The following SSH2 variants were observed in gnomAD, a reference collection of about 807,000 sequenced individuals.
SSH2 encodes slingshot protein phosphatase 2, also known as protein phosphatase Slingshot homolog 2.
In SSH2, 37 loss-of-function variants were observed where a neutral mutation model predicts 135.2. The observed-to-expected ratio is 0.27, with a 90% CI of 0.21 to 0.36. SSH2 has a LOEUF of 0.36. Among genes scored for constraint, SSH2 ranks in the 10% least tolerant of loss-of-function variants. The pLI is 1.00. For missense variants in SSH2, 1,408 were observed against 1,765.3 expected (o/e 0.80, Z 3.63); for synonymous variants, 628 against 646.2 (o/e 0.97, Z 0.43).
chr17:29,766,506 T>A (rs2041451772), intron 3 of SSH2, among the ~76,000 whole-genome samples: 1 of 151,826 alleles, frequency 6.6e-6, no homozygotes, highest in South Asian at 2.1e-4. Context: ...ATATGCAAAT[T>A]TCCCCTATGT....
At chr17:29,772,739 A>C (rs2041614105) in intron 3 of SSH2, among the ~76,000 whole-genome samples, 1 of 151,968 alleles carries the variant, frequency 6.6e-6, no homozygotes, top group African/African-American at 2.4e-5. Flanking sequence ...TGGAGCTAGG[A>C]TACTCTTCTC....
At chr17:29,710,094 C>G (rs1173362960) in intron 3 of SSH2, among the ~76,000 whole-genome samples, 2 of 152,048 alleles carry the variant, frequency 1.3e-5, no homozygotes, top group African/African-American at 4.8e-5. Flanking sequence ...GGAATGTGGC[C>G]AGGGTGATCA....
chr17:29,751,416 CA>C (rs140508892), intron 3 of SSH2, among the ~76,000 whole-genome samples: 1,752 of 143,880 alleles, frequency 0.012, 31 homozygotes, highest in African/African-American at 0.041. Context: ...ACTCCTGTCT[CA>C]AAAAAAAAGA....
chr17:29,770,247 T>C (rs1241156891), intron 3 of SSH2, among the ~76,000 whole-genome samples: 1 of 151,748 alleles, frequency 6.6e-6, no homozygotes, highest in Non-Finnish European at 1.5e-5. Flanking sequence ...TAGCTGGAAT[T>C]ACAGGCTCGA....
intron 1 of SSH2, among the ~76,000 whole-genome samples, chr17:29,897,231 C>CT (rs2066462718): frequency 6.6e-6 from 1 of 152,030 alleles, no homozygotes; most frequent in South Asian, 2.1e-4. Flanking sequence ...AACTAACGAG[C>CT]AAAATAACCA....
At chr17:29,761,433 G>A (rs1463867901) in intron 3 of SSH2, 10 of 1,006,560 alleles carry the variant, frequency 9.9e-6, no homozygotes, top group Non-Finnish European at 1.2e-5. Context: ...AGTCCGGACT[G>A]ACGGGCGTCG....
At chr17:29,795,421 G>A (rs147813575) in intron 2 of SSH2, among the ~76,000 whole-genome samples, 2,852 of 152,224 alleles carry the variant, frequency 0.019, 42 homozygotes, top group Middle Eastern at 0.058. Context: ...GCTTCCAGAA[G>A]GAGTACAGGT....
chr17:29,779,848 A>T (rs1021107635), intron 3 of SSH2, among the ~76,000 whole-genome samples: 5 of 142,374 alleles, frequency 3.5e-5, no homozygotes, highest in African/African-American at 1.3e-4. Flanking sequence ...AAAGATGAAC[A>T]GCTTCAATGT....
At chr17:29,917,880 A>C (rs573402062) in intron 1 of SSH2, among the ~76,000 whole-genome samples, 26 of 152,068 alleles carry the variant, frequency 1.7e-4, no homozygotes, top group African/African-American at 5.3e-4. Context: ...AATAAATTTT[A>C]AAAATAGACT....
intron 14 of SSH2, among the ~76,000 whole-genome samples, chr17:29,637,799 A>T (rs952398399): frequency 5.3e-5 from 8 of 151,626 alleles, no homozygotes; most frequent in Non-Finnish European, 1.0e-4. Context: ...AATAAAAAAT[A>T]AAAATAAAGA....
At chr17:29,728,590 A>C (rs561566536) in intron 3 of SSH2, among the ~76,000 whole-genome samples, 19 of 152,326 alleles carry the variant, frequency 1.2e-4, no homozygotes, top group Admixed American at 1.1e-3. Flanking sequence ...AGAATAGCCA[A>C]AATCATCCTA....
intron 3 of SSH2, among the ~76,000 whole-genome samples, chr17:29,708,558 C>T (rs1215487778): frequency 6.8e-6 from 1 of 147,964 alleles, no homozygotes; most frequent in Non-Finnish European, 1.5e-5. Flanking sequence ...CCACTGCACT[C>T]CAGCCTGGAC....
chr17:29,771,024 G>A (rs2041573591), intron 3 of SSH2, among the ~76,000 whole-genome samples: 1 of 152,156 alleles, frequency 6.6e-6, no homozygotes, highest in Non-Finnish European at 1.5e-5. Context: ...TGAAATTAAG[G>A]GACCTGCCCA....
At chr17:29,644,896 T>C (rs888235095) in intron 14 of SSH2, 1 of 152,182 alleles carries the variant, frequency 6.6e-6, no homozygotes, top group South Asian at 2.1e-4. Context: ...TTGAGGTAAT[T>C]GATTACTTGC....
chr17:29,691,957 G>T (rs1598812536), intron 5 of SSH2, among the ~76,000 whole-genome samples: 1 of 151,358 alleles, frequency 6.6e-6, no homozygotes, highest in East Asian at 2.0e-4. Context: ...TGGCCAACAT[G>T]GTGAAAGCCT....
At chr17:29,744,305 C>A (rs1486775456) in intron 3 of SSH2, among the ~76,000 whole-genome samples, 2 of 152,086 alleles carry the variant, frequency 1.3e-5, no homozygotes, top group African/African-American at 4.8e-5. Flanking sequence ...CTGCCGATGC[C>A]CAAGATGGGC....
chr17:29,800,581 G>GT, intron 2 of SSH2, among the ~76,000 whole-genome samples: 1 of 151,930 alleles, frequency 6.6e-6, no homozygotes, highest in African/African-American at 2.4e-5. Context: ...GTTTCTTAGT[G>GT]AACAGAATAA....
At chr17:29,754,938 C>T (rs1476187924) in intron 3 of SSH2, among the ~76,000 whole-genome samples, 8 of 152,184 alleles carry the variant, frequency 5.3e-5, no homozygotes, top group Non-Finnish European at 1.2e-4. Flanking sequence ...AGATTATAGG[C>T]GTGAGCCACT....
intron 4 of SSH2, among the ~76,000 whole-genome samples, chr17:29,700,252 G>A (rs1025077171): frequency 6.6e-6 from 1 of 152,124 alleles, no homozygotes; most frequent in African/African-American, 2.4e-5. Flanking sequence ...ATGACAACAA[G>A]CAATCACCTC....
Sources: allele counts gnomAD v4.1 joint callset (sites outside exome capture counted in the v4.1 genomes callset), GRCh38; gene constraint gnomAD v4.1.1; transcripts MANE v1.5; gene names NCBI Gene and HGNC (gene_info 2026-07-23, HGNC 2026-07-21).